Variants in NAALADL2 observed in about 807,000 individuals in gnomAD.
NAALADL2 encodes the protein N-acetylated alpha-linked acidic dipeptidase like 2, also known as inactive N-acetylated-alpha-linked acidic dipeptidase-like protein 2.
In NAALADL2, 76 loss-of-function variants were observed where a neutral mutation model predicts 87.2. The observed-to-expected ratio is 0.87, with a 90% confidence interval of 0.72 to 1.05. The LOEUF is 1.05. Ranked by LOEUF, NAALADL2 falls within the 50% of genes least tolerant of loss-of-function variation. The pLI is 0.00. For synonymous variants in NAALADL2, 354 were observed against 331.0 expected (o/e 1.07, Z -0.75); for missense variants, 1,089 against 945.8 (o/e 1.15, Z -1.99).
At chr3:174,758,714 A>C (rs1712472673) in intron 3 of NAALADL2, among the ~76,000 whole-genome samples, 1 of 152,346 alleles carries the variant, frequency 6.6e-6, no homozygotes, top group East Asian at 1.9e-4. Flanking sequence ...CCAGTCCCCC[A>C]TTAAACTATG....
At chr3:175,484,536 A>G (rs1726974377) in intron 9 of NAALADL2, among the ~76,000 whole-genome samples, 1 of 152,150 alleles carries the variant, frequency 6.6e-6, no homozygotes, top group Admixed American at 6.6e-5. Context: ...TAATAAAGAA[A>G]ATAAATTATG....
chr3:175,599,476 G>A (rs557756895), intron 10 of NAALADL2, among the ~76,000 whole-genome samples: 2 of 152,174 alleles, frequency 1.3e-5, no homozygotes, highest in African/African-American at 4.8e-5. Context: ...TCTGAAGCCA[G>A]GTGTCTGATT....
chr3:174,915,170 G>A (rs1195996466), intron 1 of NAALADL2, among the ~76,000 whole-genome samples: 2 of 152,040 alleles, frequency 1.3e-5, no homozygotes, highest in African/African-American at 2.4e-5. Context: ...ATTTTTCATG[G>A]TCAATTGGAT....
At chr3:174,986,703 T>C (rs934079125) in intron 1 of NAALADL2, among the ~76,000 whole-genome samples, 9 of 152,174 alleles carry the variant, frequency 5.9e-5, no homozygotes, top group African/African-American at 2.2e-4. Context: ...GAAACTGTGC[T>C]TCTCTTAAGT....
chr3:175,103,551 A>G (rs2108435829), intron 2 of NAALADL2, among the ~76,000 whole-genome samples: 1 of 145,752 alleles, frequency 6.9e-6, no homozygotes, highest in East Asian at 2.0e-4. Context: ...ACTCTTTATC[A>G]TTGTACTCAG....
chr3:175,652,383 C>T (rs149271040), intron 11 of NAALADL2, among the ~76,000 whole-genome samples: 1 of 152,168 alleles, frequency 6.6e-6, no homozygotes, highest in Non-Finnish European at 1.5e-5. Flanking sequence ...CTCCCCTCAC[C>T]CCACCAAATA....
chr3:175,791,505 A>G (rs912520166), intron 13 of NAALADL2, among the ~76,000 whole-genome samples: 1 of 152,186 alleles, frequency 6.6e-6, no homozygotes, highest in East Asian at 1.9e-4. Flanking sequence ...ACAGTTCAAC[A>G]TTATTCACTC....
chr3:174,657,549 C>G (rs1463115781), intron 2 of NAALADL2, among the ~76,000 whole-genome samples: 2 of 151,998 alleles, frequency 1.3e-5, no homozygotes, highest in Non-Finnish European at 2.9e-5. Flanking sequence ...TGCCTGTGCC[C>G]CCACACATGC....
chr3:174,533,449 C>G (rs1721429909), intron 1 of NAALADL2, among the ~76,000 whole-genome samples: 2 of 152,134 alleles, frequency 1.3e-5, no homozygotes, highest in Non-Finnish European at 2.9e-5. Context: ...GCTACAGCTC[C>G]TAATACATGT....
intron 1 of NAALADL2, among the ~76,000 whole-genome samples, chr3:174,987,525 C>T (rs1303667654): frequency 2.5e-5 from 3 of 121,982 alleles, no homozygotes; most frequent in Admixed American, 9.0e-5. Context: ...GCCGAGATTG[C>T]GCCACTGCAC....
chr3:175,198,764 A>AT (rs758373363), intron 2 of NAALADL2, among the ~76,000 whole-genome samples: 81 of 148,840 alleles, frequency 5.4e-4, no homozygotes, highest in East Asian at 1.6e-3. Flanking sequence ...TACTTTGCAG[A>AT]TTTTTTTTTC....
At chr3:175,013,701 A>G (rs950487355) in intron 1 of NAALADL2, among the ~76,000 whole-genome samples, 3 of 151,954 alleles carry the variant, frequency 2.0e-5, no homozygotes, top group Non-Finnish European at 4.4e-5. Flanking sequence ...TTTGAACCAC[A>G]CCCCTGAATG....
intron 5 of NAALADL2, among the ~76,000 whole-genome samples, chr3:175,405,915 T>C (rs1243589332): frequency 6.6e-6 from 1 of 152,228 alleles, no homozygotes. Flanking sequence ...ATTACTTGCA[T>C]ATTTCTTTTT....
In NAALADL2 at chr3:175,722,501, G is replaced by A. The variant is rs531839558; in HGVS notation, c.1897-14805G>A. Among the ~76,000 whole-genome samples, 15 of 152,200 alleles carry A rather than the reference G, an allele frequency of 9.9e-5. No homozygotes were observed. The South Asian group carries it at 3.1e-3, about 32-fold the overall frequency. On this transcript the variant is annotated intron_variant, in intron 11 of 13. Transcript: ENST00000454872. Reference sequence around the variant, plus strand: ...TTGTTTAAATAAGTTGAATAAATGGGCACTGAATTCTTGCTACCCCTACAA... The same window carrying A: ...TTGTTTAAATAAGTTGAATAAATGGACACTGAATTCTTGCTACCCCTACAA...
intron 2 of NAALADL2, among the ~76,000 whole-genome samples, chr3:175,126,354 A>C (rs1031639942): frequency 6.6e-6 from 1 of 152,122 alleles, no homozygotes; most frequent in African/African-American, 2.4e-5. Context: ...TAAAGCAGAC[A>C]TAATTTCTTT....
chr3:175,029,095 G>C (rs899695668), intron 1 of NAALADL2, among the ~76,000 whole-genome samples: 18 of 150,770 alleles, frequency 1.2e-4, no homozygotes, highest in African/African-American at 4.4e-4. Flanking sequence ...GCAATTTCAA[G>C]TTGTCCCAAA....
intron 2 of NAALADL2, among the ~76,000 whole-genome samples, chr3:175,130,720 A>G (rs1175583157): frequency 1.3e-5 from 2 of 152,152 alleles, no homozygotes; most frequent in African/African-American, 2.4e-5. Context: ...AATTTGACAC[A>G]TGTATGTGTC....
At chr3:175,404,555 C>T (rs1331048606) in intron 5 of NAALADL2, among the ~76,000 whole-genome samples, 1 of 152,154 alleles carries the variant, frequency 6.6e-6, no homozygotes, top group Non-Finnish European at 1.5e-5. Context: ...TGTTGACTGA[C>T]ATTACACATG....
chr3:174,895,739 G>A (rs1335748306), intron 1 of NAALADL2, among the ~76,000 whole-genome samples: 1 of 151,828 alleles, frequency 6.6e-6, no homozygotes, highest in Non-Finnish European at 1.5e-5. Flanking sequence ...AAAAACGAAA[G>A]CAAACAAACA....
Sources: allele counts gnomAD v4.1 joint callset (sites outside exome capture counted in the v4.1 genomes callset), GRCh38; gene constraint gnomAD v4.1.1; transcripts MANE v1.5; gene names NCBI Gene and HGNC (gene_info 2026-07-23, HGNC 2026-07-21).